Variants in KCND3 observed in about 807,000 individuals in gnomAD.
KCND3 encodes the protein potassium voltage-gated channel subfamily D member 3.
Under a neutral mutation model 51.1 loss-of-function variants are expected in KCND3, and 9 were observed. That is an observed-to-expected ratio of 0.18 (90% confidence interval 0.11 to 0.31). The LOEUF is 0.31. KCND3 is among the 10% of genes least tolerant of loss of function. The pLI is 1.00. For synonymous variants in KCND3, 349 were observed against 368.0 expected (o/e 0.95, Z 0.59); for missense variants, 526 against 903.8 (o/e 0.58, Z 5.36).
intron 2 of KCND3, among the ~76,000 whole-genome samples, chr1:111,878,928 T>A (rs1669180986): frequency 6.6e-6 from 1 of 152,164 alleles, no homozygotes; most frequent in Admixed American, 6.5e-5. Flanking sequence ...CCCTCCCTAA[T>A]GTGGGCAGGC....
intron 2 of KCND3, among the ~76,000 whole-genome samples, chr1:111,926,220 G>A (rs1488232643): frequency 6.6e-6 from 1 of 152,168 alleles, no homozygotes; most frequent in Admixed American, 6.5e-5. Flanking sequence ...CTTAAACTGA[G>A]TTGGGGGACA....
At position 111,847,767 on chromosome 1, in the gene KCND3, C is replaced by T. The variant is rs541656145; in HGVS notation, c.1107-60661G>A. On this transcript the variant is annotated intron_variant, in intron 2 of 7. Transcript: ENST00000302127. ...TGCAGCAGCTGGAGAGGGAGGATGGCGGGAACAGAATGCTCCAGCTTCCCT... is the reference window on the plus strand; with the variant it reads ...TGCAGCAGCTGGAGAGGGAGGATGGTGGGAACAGAATGCTCCAGCTTCCCT... 2.6e-5 allele frequency among the ~76,000 whole-genome samples: 4 copies of T among 152,274 alleles called. No individual in the cohort carries two copies. In the South Asian group the frequency reaches 6.2e-4, roughly 24 times the overall value.
chr1:111,855,670 C>T (rs1299307225), intron 2 of KCND3, among the ~76,000 whole-genome samples: 1 of 152,152 alleles, frequency 6.6e-6, no homozygotes, highest in East Asian at 1.9e-4. Context: ...CCATATCTCT[C>T]ACCTTAGACC....
At chr1:111,943,843 G>A (rs1281691857) in intron 2 of KCND3, among the ~76,000 whole-genome samples, 2 of 152,200 alleles carry the variant, frequency 1.3e-5, no homozygotes, top group East Asian at 3.8e-4. Context: ...TGAGGAAGTT[G>A]ACTCGGCCCA....
chr1:111,972,366 G>C (rs1204254342), intron 2 of KCND3, among the ~76,000 whole-genome samples: 1 of 151,700 alleles, frequency 6.6e-6, no homozygotes, highest in African/African-American at 2.4e-5. Flanking sequence ...TAGAGACGGG[G>C]TTTCACCGTT....
chr1:111,908,327 C>T (rs964971286), intron 2 of KCND3, among the ~76,000 whole-genome samples: 38 of 152,322 alleles, frequency 2.5e-4, no homozygotes, highest in African/African-American at 9.1e-4. Flanking sequence ...AAATAACTTG[C>T]TTCAGTTGCA....
intron 2 of KCND3, among the ~76,000 whole-genome samples, chr1:111,806,001 C>T (rs146966068): frequency 3.3e-5 from 5 of 152,294 alleles, no homozygotes; most frequent in Non-Finnish European, 7.4e-5. Context: ...AGGCCAAATC[C>T]GAAATCCTGT....
At chr1:111,898,177 C>A (rs1284260610) in intron 2 of KCND3, among the ~76,000 whole-genome samples, 7 of 152,210 alleles carry the variant, frequency 4.6e-5, no homozygotes, top group Non-Finnish European at 1.0e-4. Context: ...TTAAATAGAT[C>A]AATCCACCTG....
chr1:111,833,244 A>C (rs992185298), intron 2 of KCND3, among the ~76,000 whole-genome samples: 2 of 152,238 alleles, frequency 1.3e-5, no homozygotes, highest in African/African-American at 4.8e-5. Flanking sequence ...GGGCCCAATT[A>C]TGGTGCCCAG....
chr1:111,968,748 C>G (rs1214731478), intron 2 of KCND3, among the ~76,000 whole-genome samples: 3 of 152,156 alleles, frequency 2.0e-5, no homozygotes, highest in Non-Finnish European at 4.4e-5. Flanking sequence ...CCCACCTGGT[C>G]CCCAGAAATG....
Position 111,838,679 on chromosome 1 carries a change from A to C in KCND3, c.1107-51573T>G, listed in dbSNP as rs140649863. Among the ~76,000 whole-genome samples, 64 of 151,958 alleles carry C rather than the reference A, an allele frequency of 4.2e-4. 1 individual carries two copies. Among genetic ancestry groups the C allele is most frequent in the East Asian group, 1.7e-3 (9 of 5,164 alleles). On this transcript the variant is annotated intron_variant, in intron 2 of 7. Coordinates refer to ENST00000302127, the MANE Select transcript of KCND3 (RefSeq NM_001378969.1). ...CTCAAAAAAACAAAAACAAAAGCAA[A>C]AACAACAACAACAACAACAACAACA...
At chr1:111,875,317 T>C (rs767373) in intron 2 of KCND3, among the ~76,000 whole-genome samples, 17,023 of 152,250 alleles carry the variant, frequency 0.11, 1,035 homozygotes, top group East Asian at 0.17. Flanking sequence ...GATGACTATA[T>C]ACTTGGTAAT....
intron 2 of KCND3, among the ~76,000 whole-genome samples, chr1:111,915,479 GCA>G (rs1671153799): frequency 6.6e-6 from 1 of 152,138 alleles, no homozygotes; most frequent in South Asian, 2.1e-4. Flanking sequence ...GAGGCCGGGT[GCA>G]GTGGCTCATG....
intron 2 of KCND3, among the ~76,000 whole-genome samples, chr1:111,827,760 C>T (rs1013734454): frequency 2.0e-5 from 3 of 152,176 alleles, no homozygotes; most frequent in Admixed American, 1.3e-4. Context: ...TGCTCTCTGC[C>T]CTCCTGGGTG....
intron 2 of KCND3, among the ~76,000 whole-genome samples, chr1:111,823,552 T>C (rs1181942744): frequency 6.6e-6 from 1 of 152,204 alleles, no homozygotes; most frequent in Non-Finnish European, 1.5e-5. Flanking sequence ...TTTTACACTG[T>C]CCAATCTGAA....
intron 2 of KCND3, among the ~76,000 whole-genome samples, chr1:111,842,878 C>A (rs578085575): frequency 6.6e-6 from 1 of 152,148 alleles, no homozygotes; most frequent in Non-Finnish European, 1.5e-5. Flanking sequence ...CCTTGGATCA[C>A]GGCAGTCTTT....
At chr1:111,905,984 C>G (rs760074208) in intron 2 of KCND3, among the ~76,000 whole-genome samples, 1 of 152,196 alleles carries the variant, frequency 6.6e-6, no homozygotes, top group Non-Finnish European at 1.5e-5. Context: ...TGTCAGCAGT[C>G]TCGTAACTAC....
rs553920849 is a variant in KCND3, at chr1:111,774,380, G to C, written c.*1697C>G. 5 of 152,458 alleles carry C rather than the reference G, an allele frequency of 3.3e-5. No individual in the cohort carries two copies. The highest frequency in any genetic ancestry group is 1.2e-4 in the African/African-American group (5 of 41,570). The allele number at this position is 152,458 out of a possible 1,614,324, so 9.4% of individuals were successfully genotyped here. On this transcript the variant is annotated 3_prime_UTR_variant, in exon 8 of 8. Coordinates refer to ENST00000302127, the MANE Select transcript of KCND3 (RefSeq NM_001378969.1). ...CTACAGAGACTGCAGCAAGGTGGCT[G>C]GGTGTTGGGAAGGGCAGGAAAGGAC...
intron 2 of KCND3, among the ~76,000 whole-genome samples, chr1:111,896,176 G>A (rs1670103864): frequency 6.6e-6 from 1 of 152,160 alleles, no homozygotes; most frequent in Non-Finnish European, 1.5e-5. Flanking sequence ...CCGAGAACAC[G>A]GTGAATACGC....
Sources: gnomAD v4.1 joint callset for allele counts (sites outside exome capture counted in the v4.1 genomes callset) on GRCh38, gnomAD v4.1.1 for gene constraint, MANE v1.5 for transcripts, NCBI Gene and HGNC (gene_info 2026-07-23, HGNC 2026-07-21) for gene names.